WDR89: variants seen among roughly 807,000 people sequenced by gnomAD.
WDR89 encodes WD repeat domain 89, also known as WD repeat-containing protein 89.
Under a neutral mutation model 29.1 loss-of-function variants are expected in WDR89, and 17 were observed. The observed-to-expected ratio is 0.58, with a 90% CI of 0.40 to 0.88. The LOEUF (loss-of-function observed/expected upper bound fraction) is 0.88. Among genes scored for constraint, WDR89 ranks in the 40% least tolerant of loss-of-function variants. WDR89 has a pLI of 0.00. For missense variants in WDR89, 396 were observed against 456.3 expected, an observed-to-expected ratio of 0.87 and a Z score of 1.20; for synonymous variants, 138 against 157.8, an observed-to-expected ratio of 0.87 and a Z score of 0.94.
At chr14:63,641,566 G>C (rs1884139636) in intron 1 of WDR89, among the ~76,000 whole-genome samples, 3 of 152,272 alleles carry the variant, frequency 2.0e-5, no homozygotes, top group South Asian at 4.1e-4. Flanking sequence ...ACCGGCAACA[G>C]CAGCCTGACC....
chr14:63,601,146 C>G (rs1895046403), intron 2 of WDR89, among the ~76,000 whole-genome samples: 1 of 152,068 alleles, frequency 6.6e-6, no homozygotes, highest in African/African-American at 2.4e-5. Context: ...CAGTGACATC[C>G]ATTTTGGACT....
At position 63,636,514 on chromosome 14, in the gene WDR89, T is replaced by C. The variant is rs538102715; in HGVS notation, c.-138+5290A>G. ...GGCATCACACTAACTGATTTCAAAC[T>C]ATACCATAAGGCCATAGTCACCAAA... On this transcript the variant is annotated intron_variant, in intron 1 of 2. Transcript: ENST00000620954. 5.3e-5 allele frequency among the ~76,000 whole-genome samples: 8 copies of C among 152,286 alleles called. 1 individual carries two copies. The East Asian group carries it at 1.3e-3, about 26-fold the overall frequency.
intron 2 of WDR89, among the ~76,000 whole-genome samples, chr14:63,615,958 C>A (rs1041989425): frequency 2.0e-5 from 3 of 149,944 alleles, no homozygotes; most frequent in Non-Finnish European, 4.4e-5. Context: ...AAAAACAATT[C>A]TTGGCCAGGT....
intron 2 of WDR89, among the ~76,000 whole-genome samples, chr14:63,610,229 A>C (rs1321321567): frequency 6.6e-6 from 1 of 151,002 alleles, no homozygotes; most frequent in South Asian, 2.1e-4. Context: ...TAAAAAAAAA[A>C]AAAAAAAAAA....
At chr14:63,605,890 C>T (rs942530403) in intron 2 of WDR89, among the ~76,000 whole-genome samples, 2 of 152,216 alleles carry the variant, frequency 1.3e-5, no homozygotes, top group Admixed American at 6.6e-5. Flanking sequence ...AAGATGACAA[C>T]TCCATGTGTT....
chr14:63,641,581 G>A lies in WDR89; in HGVS notation c.-138+223C>T, dbSNP rs188242441. 2.6e-4 allele frequency among the ~76,000 whole-genome samples: 40 copies of A among 152,374 alleles called. No individual in the cohort carries two copies. In the East Asian group the frequency reaches 7.1e-3, roughly 27 times the overall value. ...ACCGGCAACAGCAGCCTGACCCGCA[G>A]AAGTTTCTTTGGCCAGGGCCAGCAC... On this transcript the variant is annotated intron_variant, in intron 1 of 2. Transcript: ENST00000620954.
At chr14:63,641,111 AAAAAG>A (rs1566804635) in intron 1 of WDR89, among the ~76,000 whole-genome samples, 2 of 148,612 alleles carry the variant, frequency 1.3e-5, no homozygotes. Context: ...AAAAAAAAAA[AAAAAG>A]AAAAAGAAAA....
chr14:63,630,144 C>T (rs1883304028), intron 1 of WDR89, among the ~76,000 whole-genome samples: 1 of 151,080 alleles, frequency 6.6e-6, no homozygotes. Flanking sequence ...GACGGGGTTT[C>T]CCCATGTTGG....
At chr14:63,614,837 A>G (rs188116733) in intron 2 of WDR89, among the ~76,000 whole-genome samples, 2 of 152,130 alleles carry the variant, frequency 1.3e-5, no homozygotes, top group African/African-American at 4.8e-5. Context: ...CAACTCTAAT[A>G]TAATTTTAAA....
intron 1 of WDR89, among the ~76,000 whole-genome samples, chr14:63,632,649 A>T (rs546103999): frequency 6.6e-6 from 1 of 152,172 alleles, no homozygotes; most frequent in African/African-American, 2.4e-5. Flanking sequence ...ACAAAAACCC[A>T]AACTAGGAAA....
chr14:63,604,495 C>T (rs143499159), intron 2 of WDR89, among the ~76,000 whole-genome samples: 10 of 152,214 alleles, frequency 6.6e-5, no homozygotes, highest in African/African-American at 2.4e-4. Flanking sequence ...ATATAAGACA[C>T]CCAAACATGT....
chr14:63,633,562 G>A (rs1251284750), intron 1 of WDR89, among the ~76,000 whole-genome samples: 1 of 152,190 alleles, frequency 6.6e-6, no homozygotes, highest in South Asian at 2.1e-4. Context: ...TCCAAATTAG[G>A]AGACCATTCA....
chr14:63,613,498 G>A (rs1187732981), intron 2 of WDR89, among the ~76,000 whole-genome samples: 1 of 148,852 alleles, frequency 6.7e-6, no homozygotes, highest in Non-Finnish European at 1.5e-5. Flanking sequence ...TTTTTATACT[G>A]CTGAATTTTT....
chr14:63,631,126 C>T (rs1334462460), intron 1 of WDR89, among the ~76,000 whole-genome samples: 1 of 152,122 alleles, frequency 6.6e-6, no homozygotes, highest in Non-Finnish European at 1.5e-5. Flanking sequence ...ACAAAGTGAT[C>T]AACATGTGAG....
intron 1 of WDR89, among the ~76,000 whole-genome samples, chr14:63,634,884 A>T (rs1883632235): frequency 6.6e-6 from 1 of 151,766 alleles, no homozygotes; most frequent in African/African-American, 2.4e-5. Context: ...AAAAAAAAAA[A>T]AAAATTAGCT....
chr14:63,617,419 A>G (rs1036749952), intron 2 of WDR89, among the ~76,000 whole-genome samples: 2 of 151,516 alleles, frequency 1.3e-5, no homozygotes, highest in African/African-American at 4.9e-5. Context: ...TAACTGGACA[A>G]TTTGATAATT....
intron 2 of WDR89, among the ~76,000 whole-genome samples, chr14:63,609,016 G>A (rs941713151): frequency 6.6e-6 from 1 of 151,928 alleles, no homozygotes; most frequent in Non-Finnish European, 1.5e-5. Context: ...GGGGAATGAG[G>A]CAAGGGAATC....
At chr14:63,639,710 T>TTAAA (rs747198682) in intron 1 of WDR89, among the ~76,000 whole-genome samples, 1 of 152,206 alleles carries the variant, frequency 6.6e-6, no homozygotes, top group African/African-American at 2.4e-5. Context: ...AAAATGTAGT[T>TTAAA]CTTTAAAGCA....
At chr14:63,615,603 T>C (rs1882250125) in intron 2 of WDR89, among the ~76,000 whole-genome samples, 1 of 152,208 alleles carries the variant, frequency 6.6e-6, no homozygotes, top group African/African-American at 2.4e-5. Flanking sequence ...TTAAATCTGC[T>C]CTAAAGTTCT....
Sources: gnomAD v4.1 joint callset for allele counts (sites outside exome capture counted in the v4.1 genomes callset) on GRCh38, gnomAD v4.1.1 for gene constraint, MANE v1.5 for transcripts, NCBI Gene and HGNC (gene_info 2026-07-23, HGNC 2026-07-21) for gene names.